CCDC39: variants seen among roughly 807,000 people sequenced by gnomAD.
CCDC39 encodes the protein coiled-coil domain 39 molecular ruler complex subunit.
CCDC39 carries 113 observed loss-of-function variants against 121.0 expected under a neutral mutation model. The ratio of observed to expected loss-of-function variants is 0.93; its 90% CI spans 0.80 to 1.09. The LOEUF (loss-of-function observed/expected upper bound fraction) is 1.09. Among genes scored for constraint, CCDC39 ranks in the 50% least tolerant of loss-of-function variants. The pLI is 0.00. For missense variants in CCDC39, 1,063 were observed against 1,074.7 expected, an observed-to-expected ratio of 0.99 and a Z score of 0.15; for synonymous variants, 349 against 352.2, an observed-to-expected ratio of 0.99 and a Z score of 0.10.
rs376361511 is a variant in CCDC39 at position 180,651,195 on chromosome 3, CA to C, written c.1167+205del. 3.7e-3 allele frequency among the ~76,000 whole-genome samples: 543 copies of C among 146,046 alleles called. 4 individuals carry two copies. The highest frequency in any genetic ancestry group is 0.013 in the African/African-American group (498 of 39,290). ...GGGCAACAAGAGCCAGACTTCATCA[CA>C]AAAAAAAAGAAAAAAGAGAGAGGAG... is the stretch of plus-strand genomic sequence containing the variant. On this transcript the variant is annotated intron_variant, in intron 9 of 19. Transcript: ENST00000476379.
At chr3:180,665,458 A>G (rs1711850036) in intron 1 of CCDC39, among the ~76,000 whole-genome samples, 1 of 152,210 alleles carries the variant, frequency 6.6e-6, no homozygotes, top group Non-Finnish European at 1.5e-5. Context: ...AGGAAATATT[A>G]GAATTTCAAT....
intron 9 of CCDC39, among the ~76,000 whole-genome samples, chr3:180,649,220 G>A (rs1054981208): frequency 3.9e-5 from 6 of 152,042 alleles, no homozygotes; most frequent in African/African-American, 9.7e-5. Flanking sequence ...CCTCCACCAC[G>A]TGCAGCTCTA....
chr3:180,664,058 GA>G, intron 1 of CCDC39, 72 bp from the exon 2 acceptor site: 1 of 1,370,062 alleles, frequency 7.3e-7, no homozygotes, highest in Non-Finnish European at 1.0e-6. Context: ...TAAAATCAAA[GA>G]AAATTAAATT....
At chr3:180,648,589 C>T (rs532178078) in intron 9 of CCDC39, among the ~76,000 whole-genome samples, 3 of 152,222 alleles carry the variant, frequency 2.0e-5, no homozygotes, top group South Asian at 2.1e-4. Flanking sequence ...CTTGACCTGT[C>T]GTCTTAATTT....
rs1712332941 is a variant in CCDC39, at chr3:180,679,449, G to GC, written c.-70dup. 6.9e-7 allele frequency: 1 copy of GC among 1,448,006 alleles called. No individual in the cohort carries two copies. 89.7% of individuals were successfully genotyped at this position (1,448,006 alleles called of 1,614,324 possible). ...CTTGTACAGCGGGTGAGCAGCACCC[G>GC]CGTCAAGCCCAGGCACCTGCACAGT... is the stretch of plus-strand genomic sequence containing the variant. On this transcript the variant is annotated 5_prime_UTR_variant, in exon 1 of 20. Transcript: ENST00000476379. The surrounding 1 kb of genome is among the most constrained non-coding windows in gnomAD (Gnocchi z 4.0).
chr3:180,616,577 AAC>A lies in CCDC39; in HGVS notation c.2523_2524del (p.Met841IlefsTer3), dbSNP rs758117394. 1 of 1,602,060 alleles carries A rather than the reference AAC, an allele frequency of 6.2e-7. No individual in the cohort carries two copies. The highest frequency in any genetic ancestry group is 2.2e-5 in the East Asian group (1 of 44,706). ...AGTATTTTCTTCTATGATATCAACTAACATTTCATCAATAACTTTGTGAAACT... is the reference window on the plus strand; with the variant it reads ...AGTATTTTCTTCTATGATATCAACTAATTTCATCAATAACTTTGTGAAACT... On this transcript the variant is annotated frameshift_variant, in exon 18 of 20. Transcript: ENST00000476379. LOFTEE classifies it high-confidence loss of function.
chr3:180,644,378 A>G (rs555700672), intron 11 of CCDC39, 121 bp from the exon 12 acceptor site: 8 of 569,988 alleles, frequency 1.4e-5, no homozygotes, highest in South Asian at 9.2e-5. Context: ...AAATAATCCT[A>G]TGTTTTATTA....
intron 13 of CCDC39, among the ~76,000 whole-genome samples, chr3:180,637,906 T>G (rs543942834): frequency 2.6e-5 from 4 of 152,058 alleles, no homozygotes; most frequent in Admixed American, 2.0e-4. Context: ...AGGAAAACAA[T>G]GGACATTGGG....
chr3:180,619,365 C>A lies in CCDC39; in HGVS notation c.2159G>T (p.Ser720Ile), dbSNP rs1379346337. ...KQSFKKVTPS[S>I]DEYELKIQLE... ...TTGAATTTTTAGCTCATACTCATCA[C>A]CTGAAATGTAGAACATTTTTAGTTT... The change falls in exon 16 of 20, where the codon AGT becomes ATT. Residue 720 changes from serine to isoleucine, a missense_variant and splice_region_variant. By Grantham distance (142) the Ser-to-Ile change is moderately radical. Coordinates refer to ENST00000476379, the MANE Select transcript of CCDC39 (RefSeq NM_181426.2). 2.8e-6 allele frequency: 4 copies of A among 1,411,084 alleles called. No homozygotes were observed. The highest frequency in any genetic ancestry group is 2.5e-5 in the East Asian group (1 of 39,948). 87.4% of individuals were successfully genotyped at this position (1,411,084 alleles called of 1,614,324 possible). A position where few individuals can be genotyped will look rare whatever the true frequency, so the allele number is the denominator to read the frequency against.
intron 11 of CCDC39, 113 bp downstream of exon 11, chr3:180,646,966 A>T: frequency 1.2e-6 from 1 of 848,298 alleles, no homozygotes; most frequent in Non-Finnish European, 1.9e-6. Flanking sequence ...TACATTTGTT[A>T]TATATGTGTG....
At chr3:180,640,970 C>G (rs923514926) in intron 13 of CCDC39, among the ~76,000 whole-genome samples, 1 of 151,922 alleles carries the variant, frequency 6.6e-6, no homozygotes, top group Non-Finnish European at 1.5e-5. Context: ...CTGACAAGGA[C>G]AGTAGAGCAA....
intron 8 of CCDC39, 110 bp from the exon 9 acceptor site, chr3:180,651,643 G>A (rs1392626388): frequency 1.9e-6 from 2 of 1,029,596 alleles, no homozygotes; most frequent in Non-Finnish European, 2.7e-6. Flanking sequence ...GGGGTTTTTT[G>A]CGTAAACCTT....
intron 14 of CCDC39, among the ~76,000 whole-genome samples, chr3:180,622,849 A>G (rs775083433): frequency 1.3e-5 from 2 of 151,896 alleles, no homozygotes; most frequent in African/African-American, 2.4e-5. Flanking sequence ...TCTGTGGTCT[A>G]TGTTCATCAG....
intron 14 of CCDC39, among the ~76,000 whole-genome samples, chr3:180,630,434 TGAA>T (rs1717666030): frequency 6.6e-6 from 1 of 152,064 alleles, no homozygotes; most frequent in Non-Finnish European, 1.5e-5. Context: ...GGGGCAGATT[TGAA>T]GAAGAGCTAC....
At chr3:180,622,238 G>A (rs1717448078) in intron 14 of CCDC39, among the ~76,000 whole-genome samples, 1 of 152,072 alleles carries the variant, frequency 6.6e-6, no homozygotes, top group Non-Finnish European at 1.5e-5. Flanking sequence ...GTTTAGAAAT[G>A]CTATGGATTT....
rs1419698909 is a variant in CCDC39 at position 180,651,445 on chromosome 3, T to C, written c.1123A>G (p.Thr375Ala). 22 of 1,557,954 alleles carry C rather than the reference T, an allele frequency of 1.4e-5. No individual in the cohort carries two copies. Among genetic ancestry groups the C allele is most frequent in the Non-Finnish European group, 1.9e-5 (22 of 1,148,856 alleles). Reference sequence around the variant, plus strand: ...TCCTTTAGCATATCTTCCAAATTAGTAGCTTTCTCTTCTACAGACATGGTT... The same window carrying C: ...TCCTTTAGCATATCTTCCAAATTAGCAGCTTTCTCTTCTACAGACATGGTT... ...EKTMSVEEKATNLEDMLKEEE... is the reference protein window; with the variant it reads ...EKTMSVEEKAANLEDMLKEEE... The change falls in exon 9 of 20, where the codon ACT (threonine) becomes GCT (alanine). Residue 375 changes from threonine to alanine, a missense_variant. Thr to Ala is a moderately conservative substitution (Grantham distance 58). Coordinates refer to ENST00000476379, the MANE Select transcript of CCDC39 (RefSeq NM_181426.2).
At chr3:180,641,946 T>G in intron 13 of CCDC39, 47 bp downstream of exon 13, 1 of 1,373,574 alleles carries the variant, frequency 7.3e-7, no homozygotes, top group Non-Finnish European at 1.0e-6. Flanking sequence ...TCTCCTGACA[T>G]CATCCTGTTT....
At chr3:180,673,213 C>A (rs1244836678) in intron 1 of CCDC39, among the ~76,000 whole-genome samples, 1 of 152,210 alleles carries the variant, frequency 6.6e-6, no homozygotes, top group Admixed American at 6.5e-5. Flanking sequence ...GATAAAGCAG[C>A]AGCAGGGTAT....
At chr3:180,643,754 G>A (rs548884072) in intron 12 of CCDC39, among the ~76,000 whole-genome samples, 1 of 152,246 alleles carries the variant, frequency 6.6e-6, no homozygotes, top group African/African-American at 2.4e-5. Context: ...CAACTGCACT[G>A]TACATGTAGT....
Sources: gnomAD v4.1 joint callset for allele counts (sites outside exome capture counted in the v4.1 genomes callset) on GRCh38, gnomAD v4.1.1 for gene constraint, Gnocchi (gnomAD v3.1) non-coding constraint, MANE v1.5 for transcripts, NCBI Gene and HGNC (gene_info 2026-07-23, HGNC 2026-07-21) for gene names.